NR1D2: variants seen among roughly 807,000 people sequenced by gnomAD.
The protein encoded by NR1D2 is nuclear receptor subfamily 1 group D member 2.
A neutral mutation model predicts 52.2 loss-of-function variants in NR1D2; 25 were observed. The ratio of observed to expected loss-of-function variants is 0.48; its 90% CI spans 0.35 to 0.67. NR1D2 has a LOEUF of 0.67. Among genes scored for constraint, NR1D2 ranks in the 30% least tolerant of loss-of-function variants. The probability of loss-of-function intolerance (pLI) is 0.01; values close to 1 mark genes in which losing one functional copy is unlikely to be tolerated. For synonymous variants in NR1D2, 259 were observed against 230.1 expected (o/e 1.13, Z -1.14); for missense variants, 681 against 707.2 (o/e 0.96, Z 0.42).
rs72628106 is a variant in NR1D2 at position 23,967,614 on chromosome 3, G to C, written c.1333-199G>C. On this transcript the variant is annotated intron_variant, in intron 6 of 7. Transcript: ENST00000312521. ...TCGGGCCACAAGAACGAAACTCCAT[G>C]TCAAAAATAGAATAGAATAGAATAT... Among the ~76,000 whole-genome samples, 634 of 152,120 alleles carry C rather than the reference G, an allele frequency of 4.2e-3. 15 individuals are homozygous for C. The East Asian group carries it at 0.051, about 12-fold the overall frequency.
intron 6 of NR1D2, among the ~76,000 whole-genome samples, chr3:23,966,561 CT>C (rs1347790046): frequency 6.6e-6 from 1 of 152,170 alleles, no homozygotes; most frequent in Non-Finnish European, 1.5e-5. Flanking sequence ...TCTTTAATGC[CT>C]TTGGCCAGGG....
At chr3:23,974,338 C>T (rs150827415) in intron 7 of NR1D2, among the ~76,000 whole-genome samples, 2 of 152,030 alleles carry the variant, frequency 1.3e-5, no homozygotes, top group African/African-American at 2.4e-5. Context: ...TCACTATAAA[C>T]GTGTTAGTTA....
intron 1 of NR1D2, among the ~76,000 whole-genome samples, chr3:23,953,848 C>T (rs186819184): frequency 1.3e-5 from 2 of 152,248 alleles, no homozygotes; most frequent in Non-Finnish European, 2.9e-5. Flanking sequence ...AAGAAGAGAC[C>T]AGAACCAGAT....
intron 5 of NR1D2, chr3:23,963,311 T>A: frequency 7.4e-7 from 1 of 1,348,592 alleles, no homozygotes; most frequent in Non-Finnish European, 9.8e-7. Context: ...TTGATAGTGC[T>A]TGGTATTTTC....
At chr3:23,957,617 G>A (rs1361844780) in intron 3 of NR1D2, among the ~76,000 whole-genome samples, 2 of 151,608 alleles carry the variant, frequency 1.3e-5, no homozygotes, top group African/African-American at 2.4e-5. Flanking sequence ...CAGCTACTCG[G>A]GAGGCTGAGG....
rs1706849083 is a variant in NR1D2, at chr3:23,980,561, T to C, written c.*3142T>C. The C allele has an allele frequency of 6.6e-6, 1 of 152,120 alleles. No homozygotes were observed. The highest frequency in any genetic ancestry group is 2.4e-5 in the African/African-American group (1 of 41,442). The allele number at this position is 152,120 out of a possible 1,614,324, so 9.4% of individuals were successfully genotyped here. A position where few individuals can be genotyped will look rare whatever the true frequency, so the allele number is the denominator to read the frequency against. ...GATGAGGACATGGATAATATCTTCA[T>C]GTTTCTGAGAAGTAATCTGTATGTG... On this transcript the variant is annotated 3_prime_UTR_variant, in exon 8 of 8. Transcript: ENST00000312521.
chr3:23,953,283 C>T (rs1208736786), intron 1 of NR1D2, among the ~76,000 whole-genome samples: 2 of 127,116 alleles, frequency 1.6e-5, no homozygotes, highest in Non-Finnish European at 3.1e-5. Context: ...GTGGAGGTTG[C>T]TGTAAGTCGA....
In NR1D2 at chr3:23,965,037, G is replaced by A; in HGVS notation, c.1207G>A (p.Glu403Lys). 3 of 1,613,942 alleles carry A rather than the reference G, an allele frequency of 1.9e-6. No homozygotes were observed. The highest frequency in any genetic ancestry group is 2.5e-6 in the Non-Finnish European group (3 of 1,179,914). Residue 403 changes from glutamate (E) to lysine (K), a missense_variant, in exon 6 of 8, where the codon GAA becomes AAA. Transcript: ENST00000312521. ...TCATAAATCAGGACATGAAATCTGG[G>A]AAGAATTTTCGATGAGCTTCACTCC... ...DPHKSGHEIW[E>K]EFSMSFTPAV... is the part of the protein sequence containing the mutation.
rs1297126002 is a variant in NR1D2, at chr3:23,978,815, C to A, written c.*1396C>A. 2 of 151,882 alleles carry A rather than the reference C, an allele frequency of 1.3e-5. No homozygotes were observed. Among genetic ancestry groups the A allele is most frequent in the Non-Finnish European group, 2.9e-5 (2 of 67,958 alleles). 9.4% of individuals were successfully genotyped at this position (151,882 alleles called of 1,614,324 possible). ...ATTTGAAAAATCATCTAGTGTGTGA[C>A]CTACAGGCTTAGAAATGGTATAGTC... On this transcript the variant is annotated 3_prime_UTR_variant, in exon 8 of 8. Transcript: ENST00000312521.
At chr3:23,968,204 A>C (rs1019507721) in intron 7 of NR1D2, among the ~76,000 whole-genome samples, 181 bp downstream of exon 7, 1 of 152,254 alleles carries the variant, frequency 6.6e-6, no homozygotes, top group Non-Finnish European at 1.5e-5. Flanking sequence ...AATATATGTC[A>C]AAGTACTATA....
chr3:23,968,693 C>G (rs543880716), intron 7 of NR1D2, among the ~76,000 whole-genome samples: 1 of 152,238 alleles, frequency 6.6e-6, no homozygotes, highest in Non-Finnish European at 1.5e-5. Flanking sequence ...TCCCAATGCC[C>G]CTGCCATCTT....
Position 23,967,856 on chromosome 3 carries a change from G to A in NR1D2, c.1376G>A (p.Arg459His), listed in dbSNP as rs748390280. ...RFASLFDAKE[R>H]TVTFLSGKKY... ...GCATCATTATTTGATGCAAAGGAAC[G>A]TACTGTCACCTTTTTAAGTGGAAAG... The change falls in exon 7 of 8, where the codon CGT (arginine) becomes CAT (histidine). Residue 459 changes from arginine (R) to histidine (H), a missense_variant. This residue lies in a region of NR1D2 where 475 missense variants were observed against 454.5 expected (regional missense o/e 1.05). Coordinates refer to ENST00000312521, the MANE Select transcript of NR1D2 (RefSeq NM_005126.5). 19 of 1,613,834 alleles carry A rather than the reference G, an allele frequency of 1.2e-5. No individual in the cohort carries two copies. Among genetic ancestry groups the A allele is most frequent in the Admixed American group, 6.7e-5 (4 of 59,992 alleles).
At chr3:23,946,390 A>G (rs1413297533) in intron 1 of NR1D2, 5 of 750,586 alleles carry the variant, frequency 6.7e-6, no homozygotes, top group Non-Finnish European at 8.1e-6. Context: ...GCCTCGGGGA[A>G]GGCGTGGGGC....
chr3:23,967,808 T>C lies in NR1D2; in HGVS notation c.1333-5T>C, dbSNP rs1361001549. On this transcript the variant is annotated splice_polypyrimidine_tract_variant and splice_region_variant and intron_variant, in intron 6 of 7. Transcript: ENST00000312521. ...CTCCAAATACATTTCTTTTTCTTTT[T>C]CCAGGTTTTAATGGTACGGTTCGCA... The C allele has an allele frequency of 6.2e-7, 1 of 1,606,828 alleles. No individual in the cohort carries two copies. The highest frequency in any genetic ancestry group is 1.3e-5 in the African/African-American group (1 of 74,590).
chr3:23,959,579 G>A (rs886394389), intron 3 of NR1D2, 92 bp from the exon 4 acceptor site: 22 of 1,210,574 alleles, frequency 1.8e-5, no homozygotes, highest in Admixed American at 1.5e-4. Flanking sequence ...ACTGTAGTTC[G>A]TCATATACAC....
chr3:23,954,767 G>C lies in NR1D2; in HGVS notation c.247G>C (p.Ala83Pro), dbSNP rs1706038425. Residue 83 changes from alanine to proline, a missense_variant, in exon 2 of 8, where the codon GCA (alanine) becomes CCA (proline). Transcript: ENST00000312521. ...TTCTATGAAAACAAGCAAATCGAGT[G>C]CACCTGGGATGACAAAAAGTCATAG... ...DCSMKTSKSSAPGMTKSHSGV... is the reference protein window; with the variant it reads ...DCSMKTSKSSPPGMTKSHSGV... 6.2e-7 allele frequency: 1 copy of C among 1,614,008 alleles called. No homozygotes were observed. Among genetic ancestry groups the C allele is most frequent in the African/African-American group, 1.3e-5 (1 of 74,932 alleles).
In NR1D2 at chr3:23,978,050, A is replaced by G. The variant is rs1261793235; in HGVS notation, c.*631A>G. On this transcript the variant is annotated 3_prime_UTR_variant, in exon 8 of 8. Coordinates refer to ENST00000312521, the MANE Select transcript of NR1D2 (RefSeq NM_005126.5). Reference sequence around the variant, plus strand: ...GAGATAGGCACTATGTAAATAAGGTAAAATTTCTGTTATTACAATTATTCA... The same window carrying G: ...GAGATAGGCACTATGTAAATAAGGTGAAATTTCTGTTATTACAATTATTCA... The G allele has an allele frequency of 6.6e-6, 1 of 152,184 alleles. No homozygotes were observed. The highest frequency in any genetic ancestry group is 1.5e-5 in the Non-Finnish European group (1 of 68,026). The allele number at this position is 152,184 out of a possible 1,614,324, so 9.4% of individuals were successfully genotyped here. A position where few individuals can be genotyped will look rare whatever the true frequency, so the allele number is the denominator to read the frequency against.
Position 23,967,935 on chromosome 3 carries a change from T to C in NR1D2, c.1455T>C (p.Ser485=). The C allele has an allele frequency of 6.2e-7, 1 of 1,614,072 alleles. No individual in the cohort carries two copies. Among genetic ancestry groups the C allele is most frequent in the Non-Finnish European group, 8.5e-7 (1 of 1,179,912 alleles). Reference sequence around the variant, plus strand: ...TGGGAGCAGGGGATCTGCTAAACTCTATGTTTGAATTTAGTGAGAAGCTAA... The same window carrying C: ...TGGGAGCAGGGGATCTGCTAAACTCCATGTTTGAATTTAGTGAGAAGCTAA... ...HSMGAGDLLN[S]MFEFSEKLNA... The change falls in exon 7 of 8, where the codon TCT becomes TCC. Residue 485 remains serine, a synonymous_variant. Coordinates refer to ENST00000312521, the MANE Select transcript of NR1D2 (RefSeq NM_005126.5).
intron 1 of NR1D2, chr3:23,946,174 G>A (rs1705696117): frequency 2.0e-6 from 2 of 985,142 alleles, no homozygotes; most frequent in Non-Finnish European, 1.2e-6. Context: ...GTGCGCGCCC[G>A]CTGAGCCCCC....
Sources: allele counts gnomAD v4.1 joint callset (sites outside exome capture counted in the v4.1 genomes callset), GRCh38; gene constraint gnomAD v4.1.1; regional missense constraint gnomAD v4.1.1; transcripts MANE v1.5; gene names NCBI Gene and HGNC (gene_info 2026-07-23, HGNC 2026-07-21).